The following FANCA variants were observed in gnomAD, a reference collection of about 807,000 sequenced individuals.
The protein encoded by FANCA is FA complementation group A, also known as Fanconi anemia group A protein.
A neutral mutation model predicts 194.3 loss-of-function variants in FANCA; 236 were observed. That is an observed-to-expected ratio of 1.21 (90% CI 1.09 to 1.35). The LOEUF is 1.35. Among genes scored for constraint, FANCA ranks in the 40% most tolerant of loss-of-function variants. The pLI is 0.00. For synonymous variants in FANCA, 1,014 were observed against 715.8 expected, an observed-to-expected ratio of 1.42 and a Z score of -6.65; for missense variants, 2,628 against 1,813.9, an observed-to-expected ratio of 1.45 and a Z score of -8.15.
chr16:89,769,577 C>T (rs1275834845), intron 26 of FANCA: 5 of 520,574 alleles, frequency 9.6e-6, no homozygotes, highest in South Asian at 2.1e-5. Context: ...GAATGCTTAA[C>T]GATATAGACA....
At chr16:89,803,408 G>A in intron 7 of FANCA, 67 bp from the exon 8 acceptor site, 1 of 1,406,588 alleles carries the variant, frequency 7.1e-7, no homozygotes, top group South Asian at 1.2e-5. Context: ...GAATGGCACA[G>A]ACCATCCACT....
intron 33 of FANCA, among the ~76,000 whole-genome samples, chr16:89,747,412 T>A (rs919879975): frequency 7.2e-5 from 11 of 152,202 alleles, no homozygotes; most frequent in African/African-American, 2.7e-4. Context: ...TGTCACATTT[T>A]GAAGTGCTGC....
chr16:89,769,662 G>A (rs188946740), intron 26 of FANCA, 175 bp downstream of exon 26: 38 of 708,130 alleles, frequency 5.4e-5, no homozygotes, highest in African/African-American at 3.4e-4. Context: ...ACAAACGCAC[G>A]CATATTATAA....
At chr16:89,806,231 T>A (rs1180201387) in intron 6 of FANCA, among the ~76,000 whole-genome samples, 2 of 152,194 alleles carry the variant, frequency 1.3e-5, no homozygotes, top group African/African-American at 4.8e-5. Flanking sequence ...AACCTTATGC[T>A]GTATCCTGGG....
chr16:89,809,032 A>G (rs1331189370), intron 5 of FANCA, among the ~76,000 whole-genome samples: 1 of 151,762 alleles, frequency 6.6e-6, no homozygotes, highest in Non-Finnish European at 1.5e-5. Flanking sequence ...CAGCCTCCTG[A>G]GTAGCTGGGA....
intron 21 of FANCA, 102 bp downstream of exon 21, chr16:89,775,640 C>CCCA: frequency 1.1e-6 from 1 of 948,248 alleles, no homozygotes; most frequent in Non-Finnish European, 1.7e-6. Flanking sequence ...GCTGGCACAG[C>CCCA]CACCCCCGAG....
rs777446762 is a variant in FANCA at position 89,808,373 on chromosome 16, AAAC to A, written c.523-9_523-7del. On this transcript the variant is annotated splice_polypyrimidine_tract_variant and splice_region_variant and intron_variant, in intron 5 of 42. Transcript: ENST00000389301. The stretch of plus-strand genomic sequence containing the variant: ...GCTTCAAGCAACAAAGAACTCTGAA[AAAC>A]AAAACAAAACAAACAAAAACAAAAA... The A allele has an allele frequency of 2.5e-6, 4 of 1,613,894 alleles. No homozygotes were observed. In the East Asian group the frequency reaches 8.9e-5, roughly 36 times the overall value.
At chr16:89,794,761 T>C (rs1054371444) in intron 11 of FANCA, among the ~76,000 whole-genome samples, 1 of 152,174 alleles carries the variant, frequency 6.6e-6, no homozygotes, top group African/African-American at 2.4e-5. Flanking sequence ...GTGTTCATCG[T>C]GGCCTTATTC....
At chr16:89,814,446 A>G in intron 3 of FANCA, 74 bp downstream of exon 3, 1 of 1,181,754 alleles carries the variant, frequency 8.5e-7, no homozygotes, top group Non-Finnish European at 1.2e-6. Flanking sequence ...ATTTCTACTT[A>G]ATTTAGCAAA....
chr16:89,750,297 T>G (rs531210219), intron 31 of FANCA, among the ~76,000 whole-genome samples: 15 of 150,324 alleles, frequency 1.0e-4, no homozygotes, highest in Non-Finnish European at 1.6e-4. Context: ...CTGGCTAACA[T>G]GGTGAAACCC....
chr16:89,758,240 T>C (rs1276744694), intron 30 of FANCA, among the ~76,000 whole-genome samples: 1 of 152,170 alleles, frequency 6.6e-6, no homozygotes, highest in African/African-American at 2.4e-5. Context: ...TTGACATAGA[T>C]TTGCTATGTG....
chr16:89,791,745 G>T, intron 13 of FANCA, 182 bp downstream of exon 13: 1 of 969,462 alleles, frequency 1.0e-6, no homozygotes, highest in Non-Finnish European at 1.6e-6. Context: ...GCCTCTCAGA[G>T]CAGCAGTCAG....
At chr16:89,747,613 C>T (rs1054224339) in intron 33 of FANCA, among the ~76,000 whole-genome samples, 2 of 152,054 alleles carry the variant, frequency 1.3e-5, no homozygotes, top group East Asian at 1.9e-4. Flanking sequence ...GCAGGAGAAT[C>T]GCTTGAACCT....
chr16:89,777,115 G>T (rs955097568), intron 20 of FANCA, among the ~76,000 whole-genome samples: 1 of 151,992 alleles, frequency 6.6e-6, no homozygotes, highest in Admixed American at 6.6e-5. Context: ...GAGGCAGAGG[G>T]GGAAGGATTG....
chr16:89,795,701 G>A (rs897859837), intron 11 of FANCA, among the ~76,000 whole-genome samples: 6 of 152,158 alleles, frequency 3.9e-5, no homozygotes, highest in African/African-American at 1.4e-4. Flanking sequence ...TCATAATTCT[G>A]AATTTTCTTA....
intron 14 of FANCA, among the ~76,000 whole-genome samples, chr16:89,786,381 T>C (rs2039899210): frequency 1.3e-5 from 2 of 152,114 alleles, no homozygotes; most frequent in African/African-American, 4.8e-5. Context: ...CAGGGTTTCA[T>C]CGTGTTGGCC....
chr16:89,767,889 T>C (rs987269388), intron 26 of FANCA, among the ~76,000 whole-genome samples: 1 of 152,162 alleles, frequency 6.6e-6, no homozygotes, highest in Non-Finnish European at 1.5e-5. Context: ...TTTCCCCATG[T>C]TGGACAGGCT....
chr16:89,799,146 G>A lies in FANCA; in HGVS notation c.893+20C>T. The A allele has an allele frequency of 6.2e-7, 1 of 1,614,168 alleles. No individual in the cohort carries two copies. The highest frequency in any genetic ancestry group is 8.5e-7 in the Non-Finnish European group (1 of 1,180,036). On this transcript the variant is annotated intron_variant, in intron 10 of 42. Coordinates refer to ENST00000389301, the MANE Select transcript of FANCA (RefSeq NM_000135.4). ...CACCTCCCTGCTGCACACTCAGGCAGGCCACCCTCAGGAACATACCAGCAC... is the reference window on the plus strand; with the variant it reads ...CACCTCCCTGCTGCACACTCAGGCAAGCCACCCTCAGGAACATACCAGCAC...
intron 21 of FANCA, among the ~76,000 whole-genome samples, chr16:89,775,020 G>C (rs1047967104): frequency 6.6e-6 from 1 of 151,964 alleles, no homozygotes; most frequent in African/African-American, 2.4e-5. Context: ...CTTGAACCCA[G>C]GGGGCAGAGG....
Sources: gnomAD v4.1 joint callset for allele counts (sites outside exome capture counted in the v4.1 genomes callset) on GRCh38, gnomAD v4.1.1 for gene constraint, MANE v1.5 for transcripts, NCBI Gene and HGNC (gene_info 2026-07-23, HGNC 2026-07-21) for gene names.